Variants in INSL6 observed in about 807,000 individuals in gnomAD.
INSL6 encodes the protein insulin like 6, also known as insulin-like peptide INSL6.
A neutral mutation model predicts 9.4 loss-of-function variants in INSL6; 16 were observed. The observed-to-expected ratio is 1.70, with a 90% confidence interval of 1.15 to 2.59. The LOEUF is 2.59. Among genes scored for constraint, INSL6 ranks in the 30% most tolerant of loss-of-function variants. The pLI is 0.00. For missense variants in INSL6, 391 were observed against 257.3 expected (o/e 1.52, Z -3.56); for synonymous variants, 154 against 96.9 (o/e 1.59, Z -3.46).
chr9:5,162,192 T>A (rs1030652611), downstream of INSL6, among the ~76,000 whole-genome samples: 9 of 152,156 alleles, frequency 5.9e-5, no homozygotes, highest in Admixed American at 5.9e-4. Context: ...ACATGGAGCC[T>A]CAATATGTTG....
the INSL6 span, chr9:5,054,461 A>T: frequency 1.1e-6 from 1 of 948,428 alleles, no homozygotes; most frequent in Non-Finnish European, 1.6e-6. The surrounding 1 kb of genome is among the most constrained non-coding windows in gnomAD (Gnocchi z 4.9). Flanking sequence ...TGTAAGGCCT[A>T]CTTAATCATG....
At chr9:5,028,393 C>T in the INSL6 span, among the ~76,000 whole-genome samples, 1 of 152,124 alleles carries the variant, frequency 6.6e-6, no homozygotes, top group Admixed American at 6.6e-5. Context: ...GCTTTGTTGT[C>T]CCATTTATAG....
downstream of INSL6, among the ~76,000 whole-genome samples, chr9:5,161,627 G>A (rs1824928582): frequency 6.6e-6 from 1 of 152,014 alleles, no homozygotes; most frequent in Admixed American, 6.6e-5. Flanking sequence ...CAACCGAATT[G>A]GAAAGAAATG....
the INSL6 span, chr9:5,069,165 T>C: frequency 6.2e-7 from 1 of 1,610,932 alleles, no homozygotes; most frequent in Non-Finnish European, 8.5e-7. Flanking sequence ...GCTCAGACAA[T>C]ATAATTTTCC....
At chr9:5,051,476 G>A in the INSL6 span, among the ~76,000 whole-genome samples, 2 of 152,224 alleles carry the variant, frequency 1.3e-5, no homozygotes, top group East Asian at 3.9e-4. Flanking sequence ...TAATCCAAGA[G>A]ATTTGGATTC....
At chr9:5,152,543 C>G (rs1421062753) in intron 2 of INSL6, among the ~76,000 whole-genome samples, 2 of 151,932 alleles carry the variant, frequency 1.3e-5, no homozygotes, top group African/African-American at 4.8e-5. Flanking sequence ...GCTGTGAGTA[C>G]AGTGAAATTT....
chr9:5,020,469 G>A, the INSL6 span, among the ~76,000 whole-genome samples: 1 of 152,276 alleles, frequency 6.6e-6, no homozygotes, highest in South Asian at 2.1e-4. Flanking sequence ...CAATTTCCTG[G>A]TGGAATGTTC....
chr9:5,014,999 C>G, the INSL6 span, among the ~76,000 whole-genome samples: 1 of 151,588 alleles, frequency 6.6e-6, no homozygotes, highest in African/African-American at 2.4e-5. Flanking sequence ...TTCAGTTTTG[C>G]TTGTTTTTGA....
downstream of INSL6, among the ~76,000 whole-genome samples, chr9:5,119,632 C>T (rs536397719): frequency 6.6e-6 from 1 of 152,176 alleles, no homozygotes; most frequent in African/African-American, 2.4e-5. Context: ...AAGATTATAA[C>T]TTATGAAGTA....
At chr9:5,085,498 C>T in the INSL6 span, 1 of 720,512 alleles carries the variant, frequency 1.4e-6, no homozygotes, top group Non-Finnish European at 2.6e-6. Context: ...TTCTTTTGAC[C>T]CGAGCTGAAG....
chr9:5,099,724 A>G, the INSL6 span: 1 of 152,194 alleles, frequency 6.6e-6, no homozygotes, highest in Non-Finnish European at 1.5e-5. Flanking sequence ...ACTAAAACAG[A>G]TAATAATTAC....
At chr9:5,046,184 A>T in the INSL6 span, among the ~76,000 whole-genome samples, 1 of 152,116 alleles carries the variant, frequency 6.6e-6, no homozygotes, top group South Asian at 2.1e-4. Context: ...TTCTTTGCAG[A>T]GATGTTGCTT....
chr9:5,062,196 T>G, the INSL6 span, among the ~76,000 whole-genome samples: 1 of 151,976 alleles, frequency 6.6e-6, no homozygotes, highest in Admixed American at 6.6e-5. Flanking sequence ...TGCATATGTG[T>G]AGGGCTGACA....
At chr9:5,066,314 GTATTTTCTGATA>G in the INSL6 span, among the ~76,000 whole-genome samples, 1 of 152,048 alleles carries the variant, frequency 6.6e-6, no homozygotes, top group African/African-American at 2.4e-5. Flanking sequence ...AGAGATATAA[GTATTTTCTGATA>G]TATAATCTTT....
intron 3 of INSL6, among the ~76,000 whole-genome samples, chr9:5,131,786 G>A (rs1290831290): frequency 6.6e-6 from 1 of 152,182 alleles, no homozygotes; most frequent in African/African-American, 2.4e-5. Context: ...AAGCCGTCAT[G>A]TGCAGGCTGT....
At chr9:5,004,292 G>A in the INSL6 span, among the ~76,000 whole-genome samples, 1 of 151,950 alleles carries the variant, frequency 6.6e-6, no homozygotes, top group African/African-American at 2.4e-5. Flanking sequence ...CCTCCTAATG[G>A]GACCCTCAGC....
chr9:5,002,853 T>G, the INSL6 span, among the ~76,000 whole-genome samples: 1 of 152,042 alleles, frequency 6.6e-6, no homozygotes, highest in African/African-American at 2.4e-5. Context: ...TGTTTTTATG[T>G]TCTGCTTACA....
At chr9:5,101,757 C>G in the INSL6 span, among the ~76,000 whole-genome samples, 16 of 152,224 alleles carry the variant, frequency 1.1e-4, no homozygotes, top group Admixed American at 1.3e-4. Context: ...CCGAGGCAAA[C>G]AGAGTCTGGA....
chr9:5,000,325 G>A, the INSL6 span, among the ~76,000 whole-genome samples: 3 of 152,044 alleles, frequency 2.0e-5, no homozygotes, highest in African/African-American at 7.2e-5. Flanking sequence ...AACATACCAA[G>A]GAAATAGTCG....
Sources: gnomAD v4.1 joint callset for allele counts (sites outside exome capture counted in the v4.1 genomes callset) on GRCh38, gnomAD v4.1.1 for gene constraint, Gnocchi (gnomAD v3.1) non-coding constraint, MANE v1.5 for transcripts, NCBI Gene and HGNC (gene_info 2026-07-23, HGNC 2026-07-21) for gene names.